Variants in DNAH10 observed in about 807,000 individuals in gnomAD.
DNAH10 encodes the protein dynein axonemal heavy chain 10.
DNAH10 carries 348 observed loss-of-function variants against 506.6 expected under a neutral mutation model. That is an observed-to-expected ratio of 0.69 (90% CI 0.63 to 0.75). DNAH10 has a LOEUF of 0.75. Among genes scored for constraint, DNAH10 ranks in the 30% least tolerant of loss-of-function variants. DNAH10 has a pLI of 0.00. For missense variants in DNAH10, 5,179 were observed against 5,787.1 expected, an observed-to-expected ratio of 0.89 and a Z score of 3.41; for synonymous variants, 2,059 against 2,198.6, an observed-to-expected ratio of 0.94 and a Z score of 1.78.
chr12:123,931,925 T>C lies in DNAH10; in HGVS notation c.13129-16T>C. ...TTCTGATAGAGTCCTGCCCGATTGCTCTTGATTCTAAATAGGCCTTGGCTG... is the reference window on the plus strand; with the variant it reads ...TTCTGATAGAGTCCTGCCCGATTGCCCTTGATTCTAAATAGGCCTTGGCTG... On this transcript the variant is annotated splice_polypyrimidine_tract_variant and intron_variant, in intron 75 of 78. Coordinates refer to ENST00000673944, the MANE Select transcript of DNAH10 (RefSeq NM_001372106.1). The C allele has an allele frequency of 6.2e-7, 1 of 1,613,866 alleles. No individual in the cohort carries two copies. The highest frequency in any genetic ancestry group is 1.1e-5 in the South Asian group (1 of 91,078).
Position 123,914,997 on chromosome 12 carries a change from C to CGGGTATG in DNAH10, c.10722_10722+6dup. The CGGGTATG allele has an allele frequency of 6.2e-7, 1 of 1,604,496 alleles. No homozygotes were observed. The highest frequency in any genetic ancestry group is 8.5e-7 in the Non-Finnish European group (1 of 1,175,754). ...GAGAAAAGAGGAGAAGAACAATCTGCGGGTATGGTGGCTCCTCCCAGGGCG... is the reference window on the plus strand; with the variant it reads ...GAGAAAAGAGGAGAAGAACAATCTGCGGGTATGGGGTATGGTGGCTCCTCCCAGGGCG... On this transcript the variant is annotated frameshift_variant and splice_region_variant, in exon 62 of 79. Transcript: ENST00000673944. LOFTEE classifies it high-confidence loss of function.
At chr12:123,829,802 T>C (rs1177469516) in intron 25 of DNAH10, among the ~76,000 whole-genome samples, 7 of 151,612 alleles carry the variant, frequency 4.6e-5, no homozygotes, top group African/African-American at 1.7e-4. Context: ...GCGTCATGCT[T>C]AGCTGCCTTA....
chr12:123,793,494 A>T (rs1210838075), intron 11 of DNAH10, among the ~76,000 whole-genome samples: 19 of 151,858 alleles, frequency 1.3e-4, no homozygotes, highest in African/African-American at 4.6e-4. Flanking sequence ...GCCCACCACC[A>T]TGCCCGGCTA....
At position 123,833,413 on chromosome 12, in the gene DNAH10, T is replaced by C. The variant is rs914203479; in HGVS notation, c.4779+66T>C. The C allele has an allele frequency of 5.6e-6, 7 of 1,258,514 alleles. No homozygotes were observed. The African/African-American group carries it at 1.1e-4, about 19-fold the overall frequency. The allele number at this position is 1,258,514 out of a possible 1,614,324, so 78.0% of individuals were successfully genotyped here. On this transcript the variant is annotated intron_variant, in intron 27 of 78. Transcript: ENST00000673944. ...CATAGCAGTGGCTTTTATATGAGGATATTTTGTGCTTAGAACTTTTATATG... is the reference window on the plus strand; with the variant it reads ...CATAGCAGTGGCTTTTATATGAGGACATTTTGTGCTTAGAACTTTTATATG...
chr12:123,879,518 GA>G (rs1326504586), intron 49 of DNAH10, 115 bp from the exon 50 acceptor site: 52 of 1,504,844 alleles, frequency 3.5e-5, no homozygotes, highest in Admixed American at 3.2e-4. Flanking sequence ...TGCAGCAACT[GA>G]AAAAAAATAG....
At chr12:123,824,143 T>G (rs896643506) in intron 24 of DNAH10, among the ~76,000 whole-genome samples, 1 of 152,000 alleles carries the variant, frequency 6.6e-6, no homozygotes, top group African/African-American at 2.4e-5. Context: ...GAAGCATGGG[T>G]GGATTCTGGA....
chr12:123,783,644 G>A lies in DNAH10; in HGVS notation c.1000-303G>A, dbSNP rs545219950. ...TCTGGCTATATTTCTGAATCTCTCA[G>A]TTCTAGACCCCTTTCTAGGGGCTGG... is the stretch of plus-strand genomic sequence containing the variant. On this transcript the variant is annotated intron_variant, in intron 7 of 78. Transcript: ENST00000673944. Among the ~76,000 whole-genome samples the A allele has an allele frequency of 2.0e-4, 30 of 152,320 alleles. 1 individual carries two copies. In the South Asian group the frequency reaches 6.0e-3, roughly 31 times the overall value.
intron 5 of DNAH10, among the ~76,000 whole-genome samples, chr12:123,775,630 C>G (rs1342315494): frequency 6.6e-6 from 1 of 152,124 alleles, no homozygotes; most frequent in Non-Finnish European, 1.5e-5. Context: ...CTCAGCTTGG[C>G]CCAGTAGCAG....
intron 78 of DNAH10, 52 bp downstream of exon 78, chr12:123,934,818 T>G: frequency 6.2e-7 from 1 of 1,607,150 alleles, no homozygotes; most frequent in Non-Finnish European, 8.5e-7. Flanking sequence ...CTCTTCTGAC[T>G]GTAGTTATGG....
intron 25 of DNAH10, among the ~76,000 whole-genome samples, chr12:123,827,806 C>G (rs1461688978): frequency 6.6e-6 from 1 of 152,210 alleles, no homozygotes; most frequent in African/African-American, 2.4e-5. Flanking sequence ...GTCTCTCCCT[C>G]TCAACAAGGA....
intron 47 of DNAH10, among the ~76,000 whole-genome samples, 167 bp from the exon 48 acceptor site, chr12:123,877,569 G>A (rs944851396): frequency 6.6e-6 from 1 of 152,052 alleles, no homozygotes; most frequent in Non-Finnish European, 1.5e-5. Context: ...GCCCACCTTG[G>A]CCTCCCAAAG....
At chr12:123,780,176 T>TC (rs1565893885) in intron 5 of DNAH10, among the ~76,000 whole-genome samples, 5 of 145,058 alleles carry the variant, frequency 3.4e-5, no homozygotes, top group African/African-American at 1.3e-4. Flanking sequence ...TCTCTCTCTC[T>TC]TTCTTTCTGA....
At chr12:123,792,451 C>CT (rs78654407) in intron 11 of DNAH10, among the ~76,000 whole-genome samples, 1,892 of 133,104 alleles carry the variant, frequency 0.014, 2 homozygotes, top group Non-Finnish European at 0.019. Context: ...TTCCTTTGTC[C>CT]TTTTTTTTTT....
chr12:123,770,599 G>C (rs1208560073), intron 2 of DNAH10, among the ~76,000 whole-genome samples: 1 of 150,714 alleles, frequency 6.6e-6, no homozygotes, highest in Admixed American at 6.6e-5. Context: ...GCCCTTACCC[G>C]TGCTGTCATT....
At chr12:123,915,628 G>C (rs1954443431) in intron 62 of DNAH10, among the ~76,000 whole-genome samples, 1 of 152,182 alleles carries the variant, frequency 6.6e-6, no homozygotes, top group Non-Finnish European at 1.5e-5. Context: ...GACGCTGTGT[G>C]GCCTTTTGTG....
chr12:123,854,173 G>T (rs1951300322), intron 36 of DNAH10, among the ~76,000 whole-genome samples: 1 of 150,674 alleles, frequency 6.6e-6, no homozygotes, highest in African/African-American at 2.4e-5. Flanking sequence ...AGATGGAGCT[G>T]CATTCGTCAT....
rs200400425 is a variant in DNAH10, at chr12:123,864,689, G to C, written c.7003G>C (p.Glu2335Gln). ...DNRLLTLANG[E>Q]RIRLQAHCAL... ...CAGGTTGTTGACATTGGCCAACGGG[G>C]AACGCATCCGGCTCCAAGCACACTG... The change falls in exon 40 of 79, where the codon GAA becomes CAA. Residue 2335 changes from glutamate to glutamine, a missense_variant. Transcript: ENST00000673944. 3,992 of 1,614,024 alleles carry C rather than the reference G, an allele frequency of 2.5e-3. 30 individuals carry two copies. The highest frequency in any genetic ancestry group is 0.018 in the South Asian group (1,610 of 91,072).
At chr12:123,872,838 C>A (rs75230734) in intron 45 of DNAH10, among the ~76,000 whole-genome samples, 6,887 of 152,162 alleles carry the variant, frequency 0.045, 380 homozygotes, top group African/African-American at 0.13. Context: ...CAAAAACACC[C>A]TGATCTACCA....
rs1418564530 is a variant in DNAH10, at chr12:123,909,169, T to C, written c.9816-92T>C. ...GCAGCAGTAGCTCCAGGGACTGTCT[T>C]TTGGTTGAGCTCGTTTTTCTGGAGC... On this transcript the variant is annotated intron_variant, in intron 57 of 78. Coordinates refer to ENST00000673944, the MANE Select transcript of DNAH10 (RefSeq NM_001372106.1). This position sits in a 1 kb window ranked among gnomAD's most constrained non-coding sequence, Gnocchi z 5.4. 1.3e-6 allele frequency: 2 copies of C among 1,499,822 alleles called. No individual in the cohort carries two copies. Among genetic ancestry groups the C allele is most frequent in the East Asian group, 4.9e-5 (2 of 40,982 alleles). The allele number at this position is 1,499,822 out of a possible 1,614,324, so 92.9% of individuals were successfully genotyped here. A position where few individuals can be genotyped will look rare whatever the true frequency, so the allele number is the denominator to read the frequency against.
Sources: allele counts gnomAD v4.1 joint callset (sites outside exome capture counted in the v4.1 genomes callset), GRCh38; gene constraint gnomAD v4.1.1; non-coding constraint Gnocchi (gnomAD v3.1); transcripts MANE v1.5; gene names NCBI Gene and HGNC (gene_info 2026-07-23, HGNC 2026-07-21).